HIVEP1: variants seen among roughly 807,000 people sequenced by gnomAD.
HIVEP1 encodes the protein zinc finger protein 40.
Under a neutral mutation model 180.0 loss-of-function variants are expected in HIVEP1, and 36 were observed. That is an observed-to-expected ratio of 0.20 (90% CI 0.15 to 0.26). The LOEUF is 0.26. HIVEP1 is among the 10% of genes least tolerant of loss of function. HIVEP1 has a pLI of 1.00. For synonymous variants in HIVEP1, 1,239 were observed against 1,239.0 expected (o/e 1.00, Z 0.00); for missense variants, 3,143 against 3,268.7 (o/e 0.96, Z 0.94).
chr6:12,113,035 G>A (rs1775002048), intron 3 of HIVEP1, among the ~76,000 whole-genome samples: 1 of 151,942 alleles, frequency 6.6e-6, no homozygotes, highest in Non-Finnish European at 1.5e-5. Context: ...TTGGCTTCAT[G>A]CCTGTCCACT....
At chr6:12,034,656 C>A (rs1178765594) in intron 2 of HIVEP1, among the ~76,000 whole-genome samples, 2 of 152,220 alleles carry the variant, frequency 1.3e-5, no homozygotes, top group African/African-American at 4.8e-5. Context: ...ACCCCCTCAA[C>A]CCCAAGAATT....
chr6:12,133,211 A>C (rs1223678459), intron 6 of HIVEP1, among the ~76,000 whole-genome samples: 2 of 152,186 alleles, frequency 1.3e-5, no homozygotes, highest in Admixed American at 1.3e-4. Flanking sequence ...TTGTGAGTAC[A>C]TTTTCAAAAT....
intron 2 of HIVEP1, among the ~76,000 whole-genome samples, chr6:12,022,277 T>C (rs1768282714): frequency 6.6e-6 from 1 of 152,068 alleles, no homozygotes; most frequent in African/African-American, 2.4e-5. Flanking sequence ...TTCAAATGAT[T>C]TTCCTTCCTC....
chr6:12,123,525 G>C lies in HIVEP1; in HGVS notation c.3730G>C (p.Asp1244His), dbSNP rs190310786. 3.7e-6 allele frequency: 6 copies of C among 1,614,172 alleles called. No individual in the cohort carries two copies. In the East Asian group the frequency reaches 1.3e-4, roughly 36 times the overall value. The change falls in exon 4 of 9, where the codon GAT becomes CAT. Residue 1244 changes from aspartate to histidine, a missense_variant. Physicochemically the swap from Asp to His is moderately conservative, Grantham distance 81. This residue lies in a region of HIVEP1 where 1,357 missense variants were observed against 1,260.5 expected (regional missense o/e 1.08). Transcript: ENST00000379388. ...AGAGATTTTGGTCACAGAAGAACCA[G>C]ATCGAGACCTGGAAGCTCAATGCCA... is the stretch of plus-strand genomic sequence containing the variant. ...VPEILVTEEP[D>H]RDLEAQCHDQ...
chr6:12,153,801 G>T (rs1759851111), intron 7 of HIVEP1, among the ~76,000 whole-genome samples: 1 of 152,128 alleles, frequency 6.6e-6, no homozygotes, highest in Non-Finnish European at 1.5e-5. Context: ...CTAATAGGGA[G>T]GTGCTTGTTG....
chr6:12,036,045 C>T (rs746737540), intron 2 of HIVEP1, among the ~76,000 whole-genome samples: 7 of 152,268 alleles, frequency 4.6e-5, no homozygotes, highest in Middle Eastern at 3.4e-3. Context: ...TATTTACCCA[C>T]GCATTTGCTA....
intron 2 of HIVEP1, among the ~76,000 whole-genome samples, chr6:12,088,569 C>T (rs1773253815): frequency 6.6e-6 from 1 of 152,104 alleles, no homozygotes; most frequent in African/African-American, 2.4e-5. Flanking sequence ...GTTATTGCTC[C>T]TGGGTTACAT....
intron 2 of HIVEP1, among the ~76,000 whole-genome samples, chr6:12,044,276 A>G (rs1235202917): frequency 6.6e-6 from 1 of 152,174 alleles, no homozygotes; most frequent in Non-Finnish European, 1.5e-5. Context: ...CAATTTATGG[A>G]CTTTTATGGA....
intron 2 of HIVEP1, among the ~76,000 whole-genome samples, chr6:12,044,460 A>G (rs1769984426): frequency 6.6e-6 from 1 of 152,034 alleles, no homozygotes; most frequent in Non-Finnish European, 1.5e-5. Context: ...TCGCCCTGTT[A>G]ACGCCCCTCA....
the HIVEP1 span, among the ~76,000 whole-genome samples, chr6:12,192,136 G>T: frequency 6.6e-6 from 1 of 151,984 alleles, no homozygotes; most frequent in African/African-American, 2.4e-5. Flanking sequence ...TTTAAAACAT[G>T]GAATATGGTT....
At chr6:12,192,363 T>C in the HIVEP1 span, among the ~76,000 whole-genome samples, 1 of 152,228 alleles carries the variant, frequency 6.6e-6, no homozygotes, top group Non-Finnish European at 1.5e-5. Flanking sequence ...TTTCATTACA[T>C]GCATAGAATG....
At chr6:12,075,263 G>T (rs1309663299) in intron 2 of HIVEP1, among the ~76,000 whole-genome samples, 1 of 152,224 alleles carries the variant, frequency 6.6e-6, no homozygotes, top group Non-Finnish European at 1.5e-5. Context: ...TAAAGGGGAG[G>T]TCTTTGACCC....
chr6:12,177,572 T>C, the HIVEP1 span, among the ~76,000 whole-genome samples: 5 of 152,216 alleles, frequency 3.3e-5, no homozygotes, highest in Non-Finnish European at 7.3e-5. Context: ...GTGTAGCCTG[T>C]ATTAAGTGTT....
At chr6:12,126,876 C>T (rs1190812039) in intron 4 of HIVEP1, among the ~76,000 whole-genome samples, 8 of 150,238 alleles carry the variant, frequency 5.3e-5, no homozygotes, top group Admixed American at 4.6e-4. Context: ...CTTTTTTTTT[C>T]GAGACAGAAT....
chr6:12,162,985 G>A (rs1760501191), intron 8 of HIVEP1, among the ~76,000 whole-genome samples: 1 of 152,144 alleles, frequency 6.6e-6, no homozygotes, highest in Non-Finnish European at 1.5e-5. Flanking sequence ...ACTTCTCAGA[G>A]TTATTCTCTG....
At chr6:12,131,626 G>T (rs1758421493) in intron 6 of HIVEP1, among the ~76,000 whole-genome samples, 1 of 150,944 alleles carries the variant, frequency 6.6e-6, no homozygotes, top group African/African-American at 2.4e-5. Context: ...CATATAATAG[G>T]TATACTACTT....
chr6:12,101,612 T>C (rs1201178086), intron 3 of HIVEP1, among the ~76,000 whole-genome samples: 1 of 151,674 alleles, frequency 6.6e-6, no homozygotes, highest in African/African-American at 2.4e-5. Context: ...AATGAAAAAA[T>C]TATTAAAGAA....
intron 7 of HIVEP1, among the ~76,000 whole-genome samples, chr6:12,157,660 G>T (rs1760137391): frequency 6.6e-6 from 1 of 151,960 alleles, no homozygotes; most frequent in Non-Finnish European, 1.5e-5. Context: ...ATCTTTTAGA[G>T]CAATTAAAAA....
intron 3 of HIVEP1, among the ~76,000 whole-genome samples, chr6:12,118,311 T>G (rs1167668031): frequency 6.6e-6 from 1 of 152,182 alleles, no homozygotes; most frequent in African/African-American, 2.4e-5. Flanking sequence ...CATTTTGGTC[T>G]AATATGAATT....
Sources: allele counts gnomAD v4.1 joint callset (sites outside exome capture counted in the v4.1 genomes callset), GRCh38; gene constraint gnomAD v4.1.1; regional missense constraint gnomAD v4.1.1; transcripts MANE v1.5; gene names NCBI Gene and HGNC (gene_info 2026-07-23, HGNC 2026-07-21).